The following AP3B2 variants were observed in gnomAD, a reference collection of about 807,000 sequenced individuals.
AP3B2 encodes AP-3 complex subunit beta-2.
Under a neutral mutation model 126.9 loss-of-function variants are expected in AP3B2, and 50 were observed. The observed-to-expected ratio is 0.39, with a 90% CI of 0.31 to 0.50. The LOEUF (loss-of-function observed/expected upper bound fraction) is 0.50. Among genes scored for constraint, AP3B2 ranks in the 20% least tolerant of loss-of-function variants. AP3B2 has a pLI of 0.79. For missense variants in AP3B2, 1,177 were observed against 1,426.4 expected (o/e 0.83, Z 2.82); for synonymous variants, 541 against 565.0 (o/e 0.96, Z 0.60).
chr15:82,671,112 A>G (rs2048149983), intron 14 of AP3B2, among the ~76,000 whole-genome samples: 2 of 151,992 alleles, frequency 1.3e-5, no homozygotes, highest in African/African-American at 4.8e-5. Flanking sequence ...GCGAAACCCC[A>G]TCTTTACTAA....
intron 1 of AP3B2, among the ~76,000 whole-genome samples, chr15:82,696,607 A>G (rs2048630929): frequency 6.6e-6 from 1 of 152,156 alleles, no homozygotes; most frequent in African/African-American, 2.4e-5. Flanking sequence ...ACTGATATAC[A>G]TGTATAAGGT....
chr15:82,694,595 G>A (rs12438334), intron 1 of AP3B2, among the ~76,000 whole-genome samples: 50,162 of 151,646 alleles, frequency 0.33, 8,277 homozygotes, highest in African/African-American at 0.36. Flanking sequence ...TGAAGTGGGA[G>A]GATCGCTTGC....
chr15:82,681,147 C>G lies in AP3B2; in HGVS notation c.553G>C (p.Glu185Gln). The G allele has an allele frequency of 6.2e-7, 1 of 1,613,088 alleles. No homozygotes were observed. The highest frequency in any genetic ancestry group is 8.5e-7 in the Non-Finnish European group (1 of 1,179,504). Residue 185 changes from glutamate (E) to glutamine (Q), a missense_variant, in exon 6 of 27, where the codon GAA (glutamate) becomes CAA (glutamine). Glu to Gln is a conservative substitution (Grantham distance 29). Around this residue, in one of 5 missense-constraint regions of AP3B2, gnomAD observed 130 missense variants for 262.0 expected, o/e 0.50. Coordinates refer to ENST00000535359, the MANE Select transcript of AP3B2 (RefSeq NM_001278512.2). The surrounding 1 kb of genome is among the most constrained non-coding windows in gnomAD (Gnocchi z 4.0). The stretch of plus-strand genomic sequence containing the variant: ...TCAGCCAGAAGCTTCTCAATGACTT[C>G]TATCAGCTGATCCTTCTGGTCAGAG... ...LDSDQKDQLI[E>Q]VIEKLLADKT...
Position 82,664,468 on chromosome 15 carries a change from C to G in AP3B2, c.2160G>C (p.Ser720=). The stretch of plus-strand genomic sequence containing the variant: ...CGCTCTCACTGCTGCTCTTACTGTC[C>G]GATTCACTCTCAGACTCAGGGTCTG... ...ADSDPESESE[S]DSKSSSESGS... Residue 720 remains serine (S), a synonymous_variant, in exon 19 of 27, where the codon TCG becomes TCC. Transcript: ENST00000535359. This position sits in a 1 kb window ranked among gnomAD's most constrained non-coding sequence, Gnocchi z 4.5. 4 of 1,613,700 alleles carry G rather than the reference C, an allele frequency of 2.5e-6. No individual in the cohort carries two copies. The highest frequency in any genetic ancestry group is 3.4e-6 in the Non-Finnish European group (4 of 1,179,798).
chr15:82,707,661 G>T (rs1280205558), intron 1 of AP3B2, among the ~76,000 whole-genome samples: 1 of 151,898 alleles, frequency 6.6e-6, no homozygotes, highest in African/African-American at 2.4e-5. Context: ...ACCTCCTTGG[G>T]CACTCTCTAA....
At position 82,664,309 on chromosome 15, in the gene AP3B2, C is replaced by T; in HGVS notation, c.2261+58G>A. ...AGACTGGCTAAAGCTCAATGCTAGC[C>T]CTCTTTCCAGGAAAGCCCCCTGAAC... On this transcript the variant is annotated intron_variant, in intron 19 of 26. Transcript: ENST00000535359. This position sits in a 1 kb window ranked among gnomAD's most constrained non-coding sequence, Gnocchi z 4.5. 6.2e-7 allele frequency: 1 copy of T among 1,610,996 alleles called. No homozygotes were observed. Among genetic ancestry groups the T allele is most frequent in the Non-Finnish European group, 8.5e-7 (1 of 1,179,496 alleles).
Position 82,663,193 on chromosome 15 carries a change from A to G in AP3B2, c.2538T>C (p.Ile846=). Reference sequence around the variant, plus strand: ...GGTCAGCAGCCAGACTGGTAGACACAATTGCTGGGGGAGACACAGGCTGGA... The same window carrying G: ...GGTCAGCAGCCAGACTGGTAGACACGATTGCTGGGGGAGACACAGGCTGGA... The part of the protein sequence containing the change: ...PSVQPVSPPA[I]VSTSLAADLE... The change falls in exon 22 of 27, where the codon ATT becomes ATC. Residue 846 remains isoleucine (I), a synonymous_variant. Coordinates refer to ENST00000535359, the MANE Select transcript of AP3B2 (RefSeq NM_001278512.2). The G allele has an allele frequency of 1.9e-6, 3 of 1,613,072 alleles. No homozygotes were observed. The highest frequency in any genetic ancestry group is 2.5e-6 in the Non-Finnish European group (3 of 1,179,738).
intron 13 of AP3B2, among the ~76,000 whole-genome samples, 154 bp from the exon 14 acceptor site, chr15:82,676,791 A>G (rs1044957255): frequency 6.6e-6 from 1 of 152,056 alleles, no homozygotes; most frequent in Non-Finnish European, 1.5e-5. Flanking sequence ...AGATAGAGAG[A>G]GGTTAAAAGG....
chr15:82,667,135 A>T (rs895097145), intron 14 of AP3B2, among the ~76,000 whole-genome samples: 14 of 152,092 alleles, frequency 9.2e-5, no homozygotes, highest in African/African-American at 2.4e-5. Flanking sequence ...ATGCCTCCTG[A>T]TGATCCCAAC....
In AP3B2 at chr15:82,679,106, T is replaced by C. The variant is rs147138587; in HGVS notation, c.1182+623A>G. On this transcript the variant is annotated intron_variant, in intron 10 of 26. Transcript: ENST00000535359. ...GCAGAATTATGTGACCTGGGGCAGT[T>C]ACCTCCCAGAGTCTTTTTTTCTTTT... Among the ~76,000 whole-genome samples, 151 of 152,282 alleles carry C rather than the reference T, an allele frequency of 9.9e-4. 2 individuals are homozygous for C. In the East Asian group the frequency reaches 0.025, roughly 25 times the overall value.
chr15:82,688,959 G>C, intron 3 of AP3B2, 128 bp from the exon 4 acceptor site: 1 of 1,018,156 alleles, frequency 9.8e-7, no homozygotes, highest in Non-Finnish European at 1.5e-6. Flanking sequence ...GTGGGGGAGA[G>C]CACCCCTGAG....
At chr15:82,695,228 T>C (rs926952452) in intron 1 of AP3B2, among the ~76,000 whole-genome samples, 2 of 151,814 alleles carry the variant, frequency 1.3e-5, no homozygotes, top group Admixed American at 6.6e-5. Flanking sequence ...GCCTTCCAAA[T>C]AGCTGGGACT....
In AP3B2 at chr15:82,680,821, G is replaced by T. The variant is rs1209870623; in HGVS notation, c.771+16C>A. ...GACACACTTCGGCCCGCTCTGCCTG[G>T]GCTGGGCCCACTTACGTTCTGGGTG... On this transcript the variant is annotated intron_variant, in intron 7 of 26. Transcript: ENST00000535359. The surrounding 1 kb of genome is among the most constrained non-coding windows in gnomAD (Gnocchi z 6.1). 1 of 1,609,944 alleles carries T rather than the reference G, an allele frequency of 6.2e-7. No individual in the cohort carries two copies. Among genetic ancestry groups the T allele is most frequent in the Non-Finnish European group, 8.5e-7 (1 of 1,176,440 alleles).
intron 1 of AP3B2, among the ~76,000 whole-genome samples, chr15:82,700,420 T>C (rs1160259969): frequency 1.4e-5 from 2 of 139,716 alleles, no homozygotes; most frequent in Non-Finnish European, 3.1e-5. Context: ...TTTTTTCAGA[T>C]GGAGTTTCAC....
chr15:82,695,120 TGAG>T (rs1567273354), intron 1 of AP3B2, among the ~76,000 whole-genome samples: 1 of 143,756 alleles, frequency 7.0e-6, no homozygotes, highest in East Asian at 2.1e-4. Context: ...TTTTTGACAC[TGAG>T]TCTTGCTCTG....
In AP3B2 at chr15:82,664,943, C is replaced by T; in HGVS notation, c.2029G>A (p.Val677Ile). Residue 677 changes from valine (V) to isoleucine (I), a missense_variant and splice_region_variant, in exon 18 of 27, where the codon GTA becomes ATA. Around this residue, in one of 5 missense-constraint regions of AP3B2, gnomAD observed 587 missense variants for 571.3 expected, o/e 1.03. Transcript: ENST00000535359. This position sits in a 1 kb window ranked among gnomAD's most constrained non-coding sequence, Gnocchi z 4.5. The stretch of plus-strand genomic sequence containing the variant: ...TTTGAGCACTTGGTCCATTCAGGTA[C>T]CTGGAGATGGGGGTAGGGTGCAGGG... The part of the protein sequence containing the change: ...HVGLLGEYTE[V>I]PEWTKCSNRE... 6.2e-7 allele frequency: 1 copy of T among 1,601,650 alleles called. No homozygotes were observed.
chr15:82,708,576 A>C (rs1404698891), intron 1 of AP3B2, among the ~76,000 whole-genome samples: 2 of 152,114 alleles, frequency 1.3e-5, no homozygotes, highest in Non-Finnish European at 2.9e-5. Flanking sequence ...CTCTTGTTCA[A>C]TCTGGCCCAC....
At chr15:82,663,296 C>A in intron 21 of AP3B2, 63 bp from the exon 22 acceptor site, 1 of 1,341,890 alleles carries the variant, frequency 7.5e-7, no homozygotes, top group East Asian at 2.4e-5. Context: ...AGCAGGGAGC[C>A]TAGGGATCAA....
intron 14 of AP3B2, among the ~76,000 whole-genome samples, chr15:82,672,591 AT>A (rs2048175684): frequency 1.3e-5 from 2 of 152,226 alleles, no homozygotes. Flanking sequence ...TTATACATTT[AT>A]AAATAACTAA....
Sources: allele counts gnomAD v4.1 joint callset (sites outside exome capture counted in the v4.1 genomes callset), GRCh38; gene constraint gnomAD v4.1.1; regional missense constraint gnomAD v4.1.1; non-coding constraint Gnocchi (gnomAD v3.1); transcripts MANE v1.5; gene names NCBI Gene and HGNC (gene_info 2026-07-23, HGNC 2026-07-21).